The following BMP2K variants were observed in gnomAD, a reference collection of about 807,000 sequenced individuals.
BMP2K encodes BMP-2-inducible protein kinase.
In BMP2K, 74 loss-of-function variants were observed where a neutral mutation model predicts 116.0. The ratio of observed to expected loss-of-function variants is 0.64; its 90% CI spans 0.53 to 0.77. BMP2K has a LOEUF of 0.77. BMP2K is among the 30% of genes least tolerant of loss of function. The probability of loss-of-function intolerance (pLI) is 0.00; values close to 1 mark genes in which losing one functional copy is unlikely to be tolerated. For missense variants in BMP2K, 1,365 were observed against 1,403.6 expected (o/e 0.97, Z 0.44); for synonymous variants, 486 against 502.5 (o/e 0.97, Z 0.44).
chr4:78,913,336 CTTTT>C lies in BMP2K; in HGVS notation c.*1307_*1310del, dbSNP rs903942430. The C allele has an allele frequency of 6.6e-6, 1 of 152,022 alleles. No homozygotes were observed. Among genetic ancestry groups the C allele is most frequent in the Non-Finnish European group, 1.5e-5 (1 of 67,960 alleles). The allele number at this position is 152,022 out of a possible 1,614,324, so 9.4% of individuals were successfully genotyped here. On this transcript the variant is annotated 3_prime_UTR_variant, in exon 16 of 16. Coordinates refer to ENST00000502613, the MANE Select transcript of BMP2K (RefSeq NM_198892.2). ...GAAAAGAACCCAGCTACCAATTTGCCTTTTTTTACACCACAAATCCTAATTAGAA... is the reference window on the plus strand; with the variant it reads ...GAAAAGAACCCAGCTACCAATTTGCCTTTACACCACAAATCCTAATTAGAA...
At chr4:78,901,153 A>C (rs7674715) in intron 15 of BMP2K, among the ~76,000 whole-genome samples, 30,031 of 151,548 alleles carry the variant, frequency 0.2, 6,584 homozygotes, top group African/African-American at 0.54. Flanking sequence ...AAGCAATCCT[A>C]CTCTCTCAGC....
chr4:78,859,723 T>A, intron 8 of BMP2K, 36 bp downstream of exon 8: 1 of 1,399,026 alleles, frequency 7.1e-7, no homozygotes, highest in Non-Finnish European at 1.0e-6. Flanking sequence ...GAATTTAAAA[T>A]TCATTTTATC....
intron 1 of BMP2K, among the ~76,000 whole-genome samples, chr4:78,813,049 G>GA (rs968152913): frequency 1.0e-3 from 149 of 142,492 alleles, no homozygotes; most frequent in African/African-American, 2.5e-3. Context: ...TTCTCAAAAG[G>GA]AAAAAAAAAA....
chr4:78,786,056 T>C (rs1727710462), intron 1 of BMP2K, among the ~76,000 whole-genome samples: 1 of 152,172 alleles, frequency 6.6e-6, no homozygotes, highest in Non-Finnish European at 1.5e-5. Flanking sequence ...ATTACACTGA[T>C]GTGCTTGGTA....
intron 1 of BMP2K, among the ~76,000 whole-genome samples, chr4:78,808,412 C>G (rs1728926362): frequency 6.6e-6 from 1 of 151,866 alleles, no homozygotes; most frequent in African/African-American, 2.4e-5. Context: ...ACTACAGGCA[C>G]CTGCCACCGC....
intron 3 of BMP2K, among the ~76,000 whole-genome samples, chr4:78,836,809 A>G (rs552752921): frequency 6.6e-6 from 1 of 152,356 alleles, no homozygotes; most frequent in Non-Finnish European, 1.5e-5. Context: ...TGAGGACATC[A>G]TTCCACTTTT....
At chr4:78,899,625 CAGG>C (rs1018738534) in intron 15 of BMP2K, among the ~76,000 whole-genome samples, 31 of 149,806 alleles carry the variant, frequency 2.1e-4, no homozygotes, top group Non-Finnish European at 2.4e-4. Flanking sequence ...ACCATAGAAA[CAGG>C]AGAAGTACAG....
intron 15 of BMP2K, among the ~76,000 whole-genome samples, chr4:78,909,876 C>G (rs927896616): frequency 6.6e-6 from 1 of 152,114 alleles, no homozygotes; most frequent in Non-Finnish European, 1.5e-5. Context: ...ATATTTCTTT[C>G]GTTGAATGAA....
intron 1 of BMP2K, among the ~76,000 whole-genome samples, chr4:78,796,566 G>A (rs751964018): frequency 1.3e-5 from 2 of 152,152 alleles, no homozygotes; most frequent in Non-Finnish European, 2.9e-5. Flanking sequence ...TGCTCTTTAG[G>A]AAATCTGGTG....
At chr4:78,791,610 C>G (rs1382466348) in intron 1 of BMP2K, among the ~76,000 whole-genome samples, 1 of 152,102 alleles carries the variant, frequency 6.6e-6, no homozygotes, top group Non-Finnish European at 1.5e-5. Flanking sequence ...TTTCCACTTC[C>G]CCTATTCCTT....
chr4:78,842,266 T>G lies in BMP2K; in HGVS notation c.404-119T>G, dbSNP rs1730795202. The G allele has an allele frequency of 6.4e-6, 5 of 780,956 alleles. No homozygotes were observed. The Admixed American group carries it at 1.5e-4, about 23-fold the overall frequency. 48.4% of individuals were successfully genotyped at this position (780,956 alleles called of 1,614,324 possible). The stretch of plus-strand genomic sequence containing the variant: ...GTATGATGTAATAAGCATCCTTACA[T>G]GAGAATTATGAAAAAGCCAATTTCC... On this transcript the variant is annotated intron_variant, in intron 3 of 15. Transcript: ENST00000502613.
intron 15 of BMP2K, among the ~76,000 whole-genome samples, chr4:78,898,685 A>G (rs943536275): frequency 1.3e-5 from 2 of 151,528 alleles, no homozygotes; most frequent in African/African-American, 4.8e-5. Flanking sequence ...ATTGCTCCTC[A>G]AAGTGTGGTC....
At chr4:78,864,413 G>A (rs1054814406) in intron 9 of BMP2K, among the ~76,000 whole-genome samples, 2 of 151,066 alleles carry the variant, frequency 1.3e-5, no homozygotes, top group East Asian at 1.9e-4. Flanking sequence ...ATATATCGGT[G>A]TATATATATA....
At chr4:78,803,031 G>T (rs530023331) in intron 1 of BMP2K, among the ~76,000 whole-genome samples, 231 of 152,006 alleles carry the variant, frequency 1.5e-3, no homozygotes, top group Non-Finnish European at 2.1e-3. Flanking sequence ...TGTATTTTTA[G>T]TAGAGATGGG....
At position 78,871,095 on chromosome 4, in the gene BMP2K, G is replaced by A. The variant is rs1191814808; in HGVS notation, c.1509+35G>A. The A allele has an allele frequency of 1.9e-6, 3 of 1,591,482 alleles. No individual in the cohort carries two copies. The East Asian group carries it at 6.7e-5, about 36-fold the overall frequency. ...TTGTTTCTTTAGATATGGAAGTAGT[G>A]TGAAATTGATGCAGCAAATTGAATA... is the stretch of plus-strand genomic sequence containing the variant. On this transcript the variant is annotated intron_variant, in intron 11 of 15. Coordinates refer to ENST00000502613, the MANE Select transcript of BMP2K (RefSeq NM_198892.2).
chr4:78,869,297 TA>T (rs1401319656), intron 10 of BMP2K, among the ~76,000 whole-genome samples: 6 of 152,042 alleles, frequency 3.9e-5, no homozygotes, highest in African/African-American at 1.5e-4. Context: ...TTTTTTTTTT[TA>T]ACCTATAAGT....
At chr4:78,808,808 T>C (rs1728945665) in intron 1 of BMP2K, among the ~76,000 whole-genome samples, 1 of 152,186 alleles carries the variant, frequency 6.6e-6, no homozygotes, top group Admixed American at 6.5e-5. Flanking sequence ...ACTTTTATTG[T>C]GGTTGGAATA....
In BMP2K at chr4:78,821,255, T is replaced by C. The variant is rs369156818; in HGVS notation, c.179-4782T>C. Among the ~76,000 whole-genome samples the C allele has an allele frequency of 1.5e-4, 23 of 152,348 alleles. 1 individual carries two copies. The East Asian group carries it at 3.9e-3, about 26-fold the overall frequency. ...GAAGTTCTAAAGTGATGATGCGCTTTGTGTAAATGGGGCAAGTTTCTTGAC... is the reference window on the plus strand; with the variant it reads ...GAAGTTCTAAAGTGATGATGCGCTTCGTGTAAATGGGGCAAGTTTCTTGAC... On this transcript the variant is annotated intron_variant, in intron 1 of 15. Coordinates refer to ENST00000502613, the MANE Select transcript of BMP2K (RefSeq NM_198892.2).
intron 15 of BMP2K, among the ~76,000 whole-genome samples, chr4:78,901,526 AT>A (rs1182013705): frequency 6.6e-6 from 1 of 151,876 alleles, no homozygotes; most frequent in Non-Finnish European, 1.5e-5. Flanking sequence ...TCTGTTTAAG[AT>A]GGTGCCATTC....
Sources: gnomAD v4.1 joint callset for allele counts (sites outside exome capture counted in the v4.1 genomes callset) on GRCh38, gnomAD v4.1.1 for gene constraint, MANE v1.5 for transcripts, NCBI Gene and HGNC (gene_info 2026-07-23, HGNC 2026-07-21) for gene names.